ASIC2: variants seen among roughly 807,000 people sequenced by gnomAD.
ASIC2 encodes the protein acid sensing ion channel subunit 2, also known as acid-sensing ion channel 2.
A neutral mutation model predicts 57.3 loss-of-function variants in ASIC2; 25 were observed. That is an observed-to-expected ratio of 0.44 (90% CI 0.32 to 0.61). ASIC2 has a LOEUF of 0.61. Among genes scored for constraint, ASIC2 ranks in the 20% least tolerant of loss-of-function variants. The pLI is 0.06. For missense variants in ASIC2, 641 were observed against 738.1 expected (o/e 0.87, Z 1.52); for synonymous variants, 319 against 307.5 (o/e 1.04, Z -0.39).
At chr17:34,121,494 A>T (rs1262162299) in intron 1 of ASIC2, among the ~76,000 whole-genome samples, 1 of 152,140 alleles carries the variant, frequency 6.6e-6, no homozygotes, top group Non-Finnish European at 1.5e-5. Context: ...ATCTTCTCAC[A>T]TGGAGCATTA....
At chr17:34,144,783 G>C (rs1362047392) in intron 1 of ASIC2, among the ~76,000 whole-genome samples, 1 of 152,160 alleles carries the variant, frequency 6.6e-6, no homozygotes, top group Non-Finnish European at 1.5e-5. Flanking sequence ...ATTATCTCAA[G>C]TGCCAGAGCT....
At chr17:33,534,209 C>G (rs1268435491) in intron 1 of ASIC2, 1 of 152,126 alleles carries the variant, frequency 6.6e-6, no homozygotes, top group Admixed American at 6.5e-5. Context: ...CACTCCCCAG[C>G]ATCATTCTTC....
chr17:34,121,924 T>G (rs1911632455), intron 1 of ASIC2, among the ~76,000 whole-genome samples: 1 of 152,210 alleles, frequency 6.6e-6, no homozygotes, highest in East Asian at 1.9e-4. Flanking sequence ...CTCTGAACCT[T>G]CTCCCTCCTA....
chr17:33,513,047 C>T (rs1456116455), intron 1 of ASIC2, among the ~76,000 whole-genome samples: 2 of 152,216 alleles, frequency 1.3e-5, no homozygotes, highest in African/African-American at 2.4e-5. Context: ...TTTTATTGAT[C>T]ATTCTACAAA....
At chr17:33,923,728 TC>T (rs1915759845) in intron 1 of ASIC2, among the ~76,000 whole-genome samples, 1 of 152,144 alleles carries the variant, frequency 6.6e-6, no homozygotes, top group Non-Finnish European at 1.5e-5. Flanking sequence ...GTTTGATATG[TC>T]AAACAGGTGT....
At chr17:33,879,885 C>T (rs1914656433) in intron 1 of ASIC2, among the ~76,000 whole-genome samples, 1 of 152,188 alleles carries the variant, frequency 6.6e-6, no homozygotes, top group South Asian at 2.1e-4. Flanking sequence ...TGTAAAACAA[C>T]AGAAATTGTA....
intron 1 of ASIC2, among the ~76,000 whole-genome samples, chr17:33,842,473 T>G (rs1597898866): frequency 6.6e-6 from 1 of 152,190 alleles, no homozygotes; most frequent in African/African-American, 2.4e-5. Context: ...GAGGTTTAAA[T>G]ATAAAACTGC....
intron 1 of ASIC2, among the ~76,000 whole-genome samples, chr17:33,485,130 G>T (rs1463283613): frequency 6.6e-6 from 1 of 152,232 alleles, no homozygotes; most frequent in Non-Finnish European, 1.5e-5. Flanking sequence ...GTCACATGGG[G>T]CTATGATTTG....
chr17:33,182,632 CCTCT>C (rs1447323284), intron 1 of ASIC2, among the ~76,000 whole-genome samples: 1 of 152,016 alleles, frequency 6.6e-6, no homozygotes, highest in Non-Finnish European at 1.5e-5. Flanking sequence ...ATTCAAGAAG[CCTCT>C]CTCTCTATCA....
At position 33,351,757 on chromosome 17, in the gene ASIC2, G is replaced by T. The variant is rs566504975; in HGVS notation, c.556-239690C>A. Among the ~76,000 whole-genome samples the T allele has an allele frequency of 2.0e-5, 3 of 152,290 alleles. No homozygotes were observed. In the South Asian group the frequency reaches 6.2e-4, roughly 32 times the overall value. On this transcript the variant is annotated intron_variant, in intron 1 of 9. Transcript: ENST00000359872. ...AGCCTTGGGAAGACCAGCACCCTGT[G>T]TTTATGATTCTTGGGCATTTTAGAG...
intron 1 of ASIC2, among the ~76,000 whole-genome samples, chr17:33,855,216 G>C (rs1431788708): frequency 1.3e-5 from 2 of 152,172 alleles, no homozygotes; most frequent in Non-Finnish European, 2.9e-5. Flanking sequence ...GATCTGTGCT[G>C]CAGCAGGAAA....
chr17:33,089,900 C>T (rs1053042849), intron 2 of ASIC2, among the ~76,000 whole-genome samples: 4 of 152,304 alleles, frequency 2.6e-5, no homozygotes, highest in African/African-American at 9.6e-5. Context: ...ATGTTTAGTG[C>T]TCACAATCAG....
intron 1 of ASIC2, among the ~76,000 whole-genome samples, chr17:34,000,274 AGAGTTTCACTCTTTTT>A (rs1906296424): frequency 9.0e-6 from 1 of 111,500 alleles, no homozygotes; most frequent in Non-Finnish European, 1.8e-5. Flanking sequence ...TTTTTGAGAC[AGAGTTTCACTCTTTTT>A]GACCAGGCTG....
chr17:33,015,667 C>G (rs926279174), intron 9 of ASIC2, among the ~76,000 whole-genome samples: 1 of 152,226 alleles, frequency 6.6e-6, no homozygotes, highest in African/African-American at 2.4e-5. Context: ...CCAGTTCTCC[C>G]CCTGCTGTGA....
chr17:33,235,026 C>G (rs1299810388), intron 1 of ASIC2, among the ~76,000 whole-genome samples: 1 of 152,230 alleles, frequency 6.6e-6, no homozygotes, highest in East Asian at 1.9e-4. Flanking sequence ...CTCCCTCTCT[C>G]CCACAGGCAT....
At chr17:33,243,958 CCT>C (rs1949381345) in intron 1 of ASIC2, among the ~76,000 whole-genome samples, 1 of 152,194 alleles carries the variant, frequency 6.6e-6, no homozygotes, top group African/African-American at 2.4e-5. Context: ...CCTCTCTGGG[CCT>C]CTGTTTTCCC....
chr17:33,685,117 G>A (rs142582093), intron 1 of ASIC2, among the ~76,000 whole-genome samples: 1 of 152,280 alleles, frequency 6.6e-6, no homozygotes, highest in Non-Finnish European at 1.5e-5. Flanking sequence ...CCCCTGGGGG[G>A]GCTTAGTCTT....
intron 1 of ASIC2, among the ~76,000 whole-genome samples, chr17:33,230,330 T>A (rs896436269): frequency 6.6e-6 from 1 of 152,260 alleles, no homozygotes; most frequent in Non-Finnish European, 1.5e-5. Context: ...CTGGTGAGAC[T>A]GTCACTCTTT....
At chr17:34,030,123 C>T (rs774151105) in intron 1 of ASIC2, among the ~76,000 whole-genome samples, 2 of 152,184 alleles carry the variant, frequency 1.3e-5, no homozygotes, top group Non-Finnish European at 2.9e-5. Flanking sequence ...ATTTTTCAAA[C>T]ACATCCTTCA....
Sources: allele counts gnomAD v4.1 joint callset (sites outside exome capture counted in the v4.1 genomes callset), GRCh38; gene constraint gnomAD v4.1.1; transcripts MANE v1.5; gene names NCBI Gene and HGNC (gene_info 2026-07-23, HGNC 2026-07-21).